Variants in PLCL1 observed in about 807,000 individuals in gnomAD.
The protein encoded by PLCL1 is phospholipase C like 1 (inactive).
In PLCL1, 41 loss-of-function variants were observed where a neutral mutation model predicts 84.4. The ratio of observed to expected loss-of-function variants is 0.49; its 90% CI spans 0.38 to 0.63. PLCL1 has a LOEUF of 0.63. Among genes scored for constraint, PLCL1 ranks in the 30% least tolerant of loss-of-function variants. The pLI, the probability that PLCL1 is intolerant of heterozygous loss-of-function variation, is 0.00. For missense variants in PLCL1, 1,206 were observed against 1,367.8 expected, an observed-to-expected ratio of 0.88 and a Z score of 1.87; for synonymous variants, 490 against 488.3, an observed-to-expected ratio of 1.00 and a Z score of -0.05.
chr2:197,923,798 A>C (rs1468459861), intron 1 of PLCL1, among the ~76,000 whole-genome samples: 3 of 152,120 alleles, frequency 2.0e-5, no homozygotes, highest in Admixed American at 6.5e-5. Context: ...CTGGGAGGCC[A>C]AGGCAGGCGG....
intron 1 of PLCL1, among the ~76,000 whole-genome samples, chr2:197,814,517 A>C (rs965959958): frequency 6.6e-6 from 1 of 152,168 alleles, no homozygotes; most frequent in Non-Finnish European, 1.5e-5. Context: ...ACACAACAAT[A>C]TTGAAATTAG....
At chr2:197,997,148 C>T (rs1264128725) in intron 1 of PLCL1, among the ~76,000 whole-genome samples, 2 of 152,194 alleles carry the variant, frequency 1.3e-5, no homozygotes, top group Non-Finnish European at 2.9e-5. Context: ...GCTGGCTTAT[C>T]CCAGCATTTC....
rs1694598275 is a variant in PLCL1 at position 198,149,691 on chromosome 2, C to A, written c.*2729C>A. 6.6e-6 allele frequency: 1 copy of A among 151,998 alleles called. No individual in the cohort carries two copies. The highest frequency in any genetic ancestry group is 2.4e-5 in the African/African-American group (1 of 41,382). 9.4% of individuals were successfully genotyped at this position (151,998 alleles called of 1,614,324 possible). ...GAAAAGCAAAATTACCCACTAATAA[C>A]ATTTTGATTTATATCCCTTTAGACA... is the stretch of plus-strand genomic sequence containing the variant. On this transcript the variant is annotated 3_prime_UTR_variant, in exon 6 of 6. Coordinates refer to ENST00000428675, the MANE Select transcript of PLCL1 (RefSeq NM_006226.4).
intron 1 of PLCL1, among the ~76,000 whole-genome samples, chr2:197,902,394 G>A (rs750303454): frequency 6.6e-6 from 1 of 152,170 alleles, no homozygotes; most frequent in Non-Finnish European, 1.5e-5. Flanking sequence ...GTAATTGTTG[G>A]ACTTTAGGCA....
chr2:197,898,190 T>A (rs1024433817), intron 1 of PLCL1, among the ~76,000 whole-genome samples: 20 of 152,154 alleles, frequency 1.3e-4, no homozygotes, highest in Non-Finnish European at 2.4e-4. Flanking sequence ...GAACACCAAG[T>A]GTAGTTAGTT....
intron 1 of PLCL1, among the ~76,000 whole-genome samples, chr2:197,839,245 C>A (rs1691249363): frequency 6.6e-6 from 1 of 152,168 alleles, no homozygotes; most frequent in African/African-American, 2.4e-5. Context: ...TGAAAACAAC[C>A]TTTAGAAATA....
At chr2:198,092,617 A>G (rs1040970300) in intron 3 of PLCL1, among the ~76,000 whole-genome samples, 3 of 152,136 alleles carry the variant, frequency 2.0e-5, no homozygotes, top group African/African-American at 7.2e-5. Flanking sequence ...GGAACACCAT[A>G]ATTTATTCCT....
intron 1 of PLCL1, among the ~76,000 whole-genome samples, chr2:197,899,379 T>C (rs1688218394): frequency 6.6e-6 from 1 of 152,020 alleles, no homozygotes; most frequent in Non-Finnish European, 1.5e-5. Context: ...GTTTTGTCCA[T>C]CTGTCACTGT....
At chr2:197,855,818 C>T (rs539449698) in intron 1 of PLCL1, among the ~76,000 whole-genome samples, 8 of 152,136 alleles carry the variant, frequency 5.3e-5, no homozygotes, top group Non-Finnish European at 1.2e-4. Flanking sequence ...AAGACCAATT[C>T]AGTGGCTAAA....
chr2:197,931,800 G>C (rs2105766007), intron 1 of PLCL1, among the ~76,000 whole-genome samples: 1 of 151,542 alleles, frequency 6.6e-6, no homozygotes, highest in East Asian at 1.9e-4. Context: ...AAAGGACTAT[G>C]ATAAAATTAT....
chr2:198,007,418 T>G (rs1272806723), intron 1 of PLCL1, among the ~76,000 whole-genome samples: 2 of 152,088 alleles, frequency 1.3e-5, no homozygotes, highest in Non-Finnish European at 2.9e-5. Context: ...TATCACAAAC[T>G]CATACAGAAT....
rs1410162782 is a variant in PLCL1, at chr2:198,008,542, T to C, written c.241-75216T>C. The stretch of plus-strand genomic sequence containing the variant: ...GTAGCATGTGACAAGATTTTCTTTT[T>C]TTTTTTTAAGGCTGCATAATATCCC... On this transcript the variant is annotated intron_variant, in intron 1 of 5. Coordinates refer to ENST00000428675, the MANE Select transcript of PLCL1 (RefSeq NM_006226.4). Among the ~76,000 whole-genome samples, 4 of 152,048 alleles carry C rather than the reference T, an allele frequency of 2.6e-5. No individual in the cohort carries two copies. The East Asian group carries it at 7.7e-4, about 29-fold the overall frequency.
At chr2:197,863,653 A>G (rs553570169) in intron 1 of PLCL1, among the ~76,000 whole-genome samples, 3 of 152,326 alleles carry the variant, frequency 2.0e-5, no homozygotes, top group African/African-American at 7.2e-5. Context: ...TTATTATCAT[A>G]GATTACTGTA....
At chr2:198,018,628 T>C (rs941733335) in intron 1 of PLCL1, among the ~76,000 whole-genome samples, 2 of 152,172 alleles carry the variant, frequency 1.3e-5, no homozygotes, top group African/African-American at 4.8e-5. Context: ...GTTCGGACTG[T>C]GTGGAGTCCA....
chr2:197,904,954 T>G (rs1574941570), intron 1 of PLCL1, among the ~76,000 whole-genome samples: 1 of 152,240 alleles, frequency 6.6e-6, no homozygotes, highest in South Asian at 2.1e-4. Context: ...GACACATTCC[T>G]TGCTTTGTAG....
intron 1 of PLCL1, among the ~76,000 whole-genome samples, chr2:197,942,773 G>A (rs774999645): frequency 4.6e-4 from 70 of 152,128 alleles, no homozygotes; most frequent in Non-Finnish European, 6.3e-4. Context: ...AGGTTCTCTT[G>A]TCTAATGGCC....
At chr2:198,017,006 G>C (rs2164070) in intron 1 of PLCL1, among the ~76,000 whole-genome samples, 26,519 of 152,026 alleles carry the variant, frequency 0.17, 2,377 homozygotes, top group East Asian at 0.26. Flanking sequence ...TTTTGGTGGG[G>C]AGGCGGTAAT....
At chr2:198,118,427 CCTT>C (rs1424306790) in intron 5 of PLCL1, among the ~76,000 whole-genome samples, 1 of 151,876 alleles carries the variant, frequency 6.6e-6, no homozygotes, top group Non-Finnish European at 1.5e-5. Context: ...CTACTACTGT[CCTT>C]CCTCTTTAAA....
intron 5 of PLCL1, among the ~76,000 whole-genome samples, chr2:198,111,884 A>T (rs923010879): frequency 1.3e-5 from 2 of 151,812 alleles, no homozygotes; most frequent in Non-Finnish European, 1.5e-5. Flanking sequence ...TATATTTATT[A>T]TTTTACTTAT....
Sources: gnomAD v4.1 joint callset for allele counts (sites outside exome capture counted in the v4.1 genomes callset) on GRCh38, gnomAD v4.1.1 for gene constraint, MANE v1.5 for transcripts, NCBI Gene and HGNC (gene_info 2026-07-23, HGNC 2026-07-21) for gene names.